LSAMP: variants seen among roughly 807,000 people sequenced by gnomAD.
The protein encoded by LSAMP is limbic system-associated membrane protein.
In LSAMP, 7 loss-of-function variants were observed where a neutral mutation model predicts 38.6. That is an observed-to-expected ratio of 0.18 (90% confidence interval 0.10 to 0.34). The LOEUF (loss-of-function observed/expected upper bound fraction) is 0.34. Ranked by LOEUF, LSAMP falls within the 10% of genes least tolerant of loss-of-function variation. The probability of loss-of-function intolerance (pLI) is 1.00; values close to 1 mark genes in which losing one functional copy is unlikely to be tolerated. For missense variants in LSAMP, 313 were observed against 420.0 expected, an observed-to-expected ratio of 0.75 and a Z score of 2.23; for synonymous variants, 154 against 166.8, an observed-to-expected ratio of 0.92 and a Z score of 0.59.
At chr3:116,255,592 C>CT (rs1222865320) in intron 1 of LSAMP, among the ~76,000 whole-genome samples, 1 of 152,152 alleles carries the variant, frequency 6.6e-6, no homozygotes, top group African/African-American at 2.4e-5. Flanking sequence ...CCAATTTAAT[C>CT]TTTTTTCCCC....
At chr3:116,138,518 A>G (rs992983021) in intron 1 of LSAMP, among the ~76,000 whole-genome samples, 2 of 152,052 alleles carry the variant, frequency 1.3e-5, no homozygotes, top group Non-Finnish European at 2.9e-5. Context: ...ACTTTTCAGC[A>G]ATGCGGACAG....
intron 1 of LSAMP, among the ~76,000 whole-genome samples, chr3:116,169,161 G>A (rs955364018): frequency 1.3e-5 from 2 of 152,098 alleles, no homozygotes; most frequent in Non-Finnish European, 2.9e-5. Flanking sequence ...CTATGATCAC[G>A]CCACTCCATT....
rs567873870 is a variant in LSAMP, at chr3:116,344,848, C to T, written c.155+100029G>A. ...GTTTGACTAACTCCAAAGTTTCCAG[C>T]AAGAATCAATGAAAAAGAGATAGGT... On this transcript the variant is annotated intron_variant, in intron 1 of 6. Coordinates refer to ENST00000490035, the MANE Select transcript of LSAMP (RefSeq NM_002338.5). Among the ~76,000 whole-genome samples, 4 of 152,232 alleles carry T rather than the reference C, an allele frequency of 2.6e-5. No individual in the cohort carries two copies. The East Asian group carries it at 7.7e-4, about 29-fold the overall frequency.
intron 1 of LSAMP, among the ~76,000 whole-genome samples, chr3:116,211,766 A>C (rs1362319875): frequency 6.6e-6 from 1 of 152,224 alleles, no homozygotes; most frequent in Non-Finnish European, 1.5e-5. Context: ...AAACAATGAA[A>C]AGTAATTTTG....
chr3:116,155,018 G>GTT (rs1553708411), intron 1 of LSAMP, among the ~76,000 whole-genome samples: 26,793 of 150,854 alleles, frequency 0.18, 2,493 homozygotes, highest in Admixed American at 0.22. Flanking sequence ...GAATGTTTTG[G>GTT]TTTTTTTTGT....
intron 1 of LSAMP, among the ~76,000 whole-genome samples, chr3:116,187,216 A>G (rs1710639726): frequency 6.6e-6 from 1 of 152,116 alleles, no homozygotes; most frequent in Non-Finnish European, 1.5e-5. Flanking sequence ...AGAATATCCT[A>G]GTGATGTGTA....
intron 3 of LSAMP, among the ~76,000 whole-genome samples, chr3:115,882,117 G>A (rs1375232868): frequency 1.3e-5 from 2 of 152,094 alleles, no homozygotes; most frequent in Non-Finnish European, 1.5e-5. Flanking sequence ...CAAGGTGAGA[G>A]TTTTCCTAAG....
At chr3:116,289,750 C>G (rs2047239274) in intron 1 of LSAMP, among the ~76,000 whole-genome samples, 1 of 152,120 alleles carries the variant, frequency 6.6e-6, no homozygotes, top group Non-Finnish European at 1.5e-5. Flanking sequence ...CAGCACAAAC[C>G]TGCTTATTAA....
At chr3:116,308,802 T>C (rs2047518990) in intron 1 of LSAMP, among the ~76,000 whole-genome samples, 1 of 152,112 alleles carries the variant, frequency 6.6e-6, no homozygotes, top group African/African-American at 2.4e-5. Flanking sequence ...GATAATATAC[T>C]ATTTCAAAGG....
chr3:116,015,818 T>C (rs752298685), intron 3 of LSAMP, among the ~76,000 whole-genome samples: 2 of 152,126 alleles, frequency 1.3e-5, no homozygotes, highest in African/African-American at 2.4e-5. Context: ...AAATATACCA[T>C]GCATATTTCT....
chr3:116,062,941 G>C (rs533282761), intron 2 of LSAMP, among the ~76,000 whole-genome samples: 9 of 152,266 alleles, frequency 5.9e-5, no homozygotes, highest in Non-Finnish European at 1.2e-4. Context: ...CTCCAGAAGG[G>C]TGAAAGGACT....
rs148056405 is a variant in LSAMP at position 116,152,489 on chromosome 3, A to G, written c.156-65933T>C. ...ATCATGACACTGCACTGCCTCGGCC[A>G]CTTTTCACTGCACTTAAGTGTACTA... On this transcript the variant is annotated intron_variant, in intron 1 of 6. Coordinates refer to ENST00000490035, the MANE Select transcript of LSAMP (RefSeq NM_002338.5). Among the ~76,000 whole-genome samples the G allele has an allele frequency of 4.8e-3, 724 of 152,224 alleles. 6 individuals carry two copies. The highest frequency in any genetic ancestry group is 0.014 in the South Asian group (69 of 4,828).
chr3:116,246,670 C>A (rs62271388), intron 1 of LSAMP, among the ~76,000 whole-genome samples: 2,028 of 152,292 alleles, frequency 0.013, 14 homozygotes, highest in Non-Finnish European at 0.022. Context: ...CTTAGCTCCA[C>A]AAGCACCTCG....
rs530831399 is a variant in LSAMP, at chr3:115,897,520, G to A, written c.515-44903C>T. Among the ~76,000 whole-genome samples, 59 of 152,148 alleles carry A rather than the reference G, an allele frequency of 3.9e-4. 1 individual carries two copies. Among genetic ancestry groups the A allele is most frequent in the Admixed American group, 2.8e-3 (43 of 15,258 alleles). On this transcript the variant is annotated intron_variant, in intron 3 of 6. Transcript: ENST00000490035. The stretch of plus-strand genomic sequence containing the variant: ...TTCTACCTGATCAAGAAGCTGGGGG[G>A]AATAACTAATGAATAATTGTAAAGC...
rs553205087 is a variant in LSAMP at position 115,869,225 on chromosome 3, A to T, written c.515-16608T>A. Among the ~76,000 whole-genome samples, 239 of 150,562 alleles carry T rather than the reference A, an allele frequency of 1.6e-3. 1 individual carries two copies. The highest frequency in any genetic ancestry group is 2.5e-3 in the Non-Finnish European group (168 of 67,772). ...AAAAGCCAGATTAGGTCAGGAGATCATTTGACATCTCTTGGTTCCCTTCAT... is the reference window on the plus strand; with the variant it reads ...AAAAGCCAGATTAGGTCAGGAGATCTTTTGACATCTCTTGGTTCCCTTCAT... On this transcript the variant is annotated intron_variant, in intron 3 of 6. Coordinates refer to ENST00000490035, the MANE Select transcript of LSAMP (RefSeq NM_002338.5).
chr3:116,069,743 CAA>C (rs976758811), intron 2 of LSAMP, among the ~76,000 whole-genome samples: 21 of 152,154 alleles, frequency 1.4e-4, no homozygotes, highest in African/African-American at 3.9e-4. Context: ...CAGAAAGAAA[CAA>C]GAGATATTTT....
At chr3:116,088,366 C>T (rs770393395) in intron 1 of LSAMP, among the ~76,000 whole-genome samples, 74 of 152,182 alleles carry the variant, frequency 4.9e-4, no homozygotes, top group Non-Finnish European at 7.5e-4. Context: ...AATTTAGAGG[C>T]CTTTTATCAT....
chr3:116,233,070 T>C (rs1379489774), intron 1 of LSAMP, among the ~76,000 whole-genome samples: 4 of 152,136 alleles, frequency 2.6e-5, no homozygotes, highest in African/African-American at 9.7e-5. Flanking sequence ...AATTATTCTT[T>C]AGAATCTTGT....
At chr3:116,004,339 T>C (rs1353654459) in intron 3 of LSAMP, among the ~76,000 whole-genome samples, 3 of 151,846 alleles carry the variant, frequency 2.0e-5, no homozygotes, top group African/African-American at 7.3e-5. Context: ...GCAACAAATT[T>C]TCACTAAAAC....
Sources: gnomAD v4.1 joint callset for allele counts (sites outside exome capture counted in the v4.1 genomes callset) on GRCh38, gnomAD v4.1.1 for gene constraint, MANE v1.5 for transcripts, NCBI Gene and HGNC (gene_info 2026-07-23, HGNC 2026-07-21) for gene names.